Variants in MYO1G observed in about 807,000 individuals in gnomAD.
MYO1G encodes unconventional myosin-Ig.
A neutral mutation model predicts 115.3 loss-of-function variants in MYO1G; 65 were observed. The ratio of observed to expected loss-of-function variants is 0.56; its 90% CI spans 0.46 to 0.69. The LOEUF (loss-of-function observed/expected upper bound fraction) is 0.69. Ranked by LOEUF, MYO1G falls within the 30% of genes least tolerant of loss-of-function variation. MYO1G has a pLI of 0.00. For synonymous variants in MYO1G, 510 were observed against 552.6 expected (o/e 0.92, Z 1.08); for missense variants, 1,204 against 1,393.5 (o/e 0.86, Z 2.16).
At position 44,969,390 on chromosome 7, in the gene MYO1G, T is replaced by C. The variant is rs1287182960; in HGVS notation, c.1574+23A>G. 6.2e-7 allele frequency: 1 copy of C among 1,611,892 alleles called. No individual in the cohort carries two copies. Among genetic ancestry groups the C allele is most frequent in the East Asian group, 2.2e-5 (1 of 44,826 alleles). On this transcript the variant is annotated intron_variant, in intron 12 of 21. Coordinates refer to ENST00000258787, the MANE Select transcript of MYO1G (RefSeq NM_033054.3). This position sits in a 1 kb window ranked among gnomAD's most constrained non-coding sequence, Gnocchi z 5.0. ...ATGGTGCCTGTGGGAAAGCCAGGGA[T>C]GTGGGTGGGAGGGGGCCCTTACGTG...
chr7:44,974,770 A>C (rs1020221237), intron 5 of MYO1G: 4 of 240,758 alleles, frequency 1.7e-5, no homozygotes, highest in African/African-American at 8.7e-5. Flanking sequence ...CGCCTATCTC[A>C]CAGAGGTGCT....
Position 44,965,715 on chromosome 7 carries a change from T to C in MYO1G, c.2303A>G (p.Tyr768Cys), listed in dbSNP as rs1285492084. 4.3e-6 allele frequency: 7 copies of C among 1,612,694 alleles called. No individual in the cohort carries two copies. In the African/African-American group the frequency reaches 9.3e-5, roughly 22 times the overall value. Residue 768 changes from tyrosine to cysteine, a missense_variant, in exon 17 of 22, where the codon TAC (tyrosine) becomes TGC (cysteine). Coordinates refer to ENST00000258787, the MANE Select transcript of MYO1G (RefSeq NM_033054.3). ...CAGCGGCCACACAAGGTCACGCCCG[T>C]AGAGTGGCGGCTGCCTTGCAGCCTG... ...RFQAARQPPL[Y>C]GRDLVWPLPP...
At position 44,969,811 on chromosome 7, in the gene MYO1G, G is replaced by A. The variant is rs1794919526; in HGVS notation, c.1397C>T (p.Ala466Val). 6.2e-7 allele frequency: 1 copy of A among 1,613,246 alleles called. No homozygotes were observed. The highest frequency in any genetic ancestry group is 1.1e-5 in the South Asian group (1 of 91,048). The change falls in exon 11 of 22, where the codon GCC (alanine) becomes GTC (valine). Residue 466 changes from alanine (A) to valine (V), a missense_variant. Transcript: ENST00000258787. The surrounding 1 kb of genome is among the most constrained non-coding windows in gnomAD (Gnocchi z 5.0). ...AGAGCTGCAGGCCTCGTCCAGCACGGCCAGGATGCCACGGTGGGGCCGCTC... is the reference window on the plus strand; with the variant it reads ...AGAGCTGCAGGCCTCGTCCAGCACGACCAGGATGCCACGGTGGGGCCGCTC... ...LVERPHRGIL[A>V]VLDEACSSAG...
intron 1 of MYO1G, 89 bp downstream of exon 1, chr7:44,978,778 G>T (rs143643718): frequency 1.6e-6 from 2 of 1,272,732 alleles, no homozygotes; most frequent in Non-Finnish European, 2.3e-6. Context: ...GGACAGCAGC[G>T]TGCCTTCCTC....
chr7:44,970,951 G>A lies in MYO1G; in HGVS notation c.955C>T (p.Arg319Trp), dbSNP rs1322760502. The A allele has an allele frequency of 2.5e-6, 4 of 1,613,414 alleles. No individual in the cohort carries two copies. Among genetic ancestry groups the A allele is most frequent in the African/African-American group, 1.3e-5 (1 of 75,042 alleles). The change falls in exon 8 of 22, where the codon CGG (arginine) becomes TGG (tryptophan). Residue 319 changes from arginine (R) to tryptophan (W), a missense_variant. Physicochemically the swap from Arg to Trp is moderately radical, Grantham distance 101. Coordinates refer to ENST00000258787, the MANE Select transcript of MYO1G (RefSeq NM_033054.3). ...AGCAGGGAGCGGAGCACGAGGTCCCGGGGTGTGGCCGTCAGCTCAGCCACA... is the reference window on the plus strand; with the variant it reads ...AGCAGGGAGCGGAGCACGAGGTCCCAGGGTGTGGCCGTCAGCTCAGCCACA... The part of the protein sequence containing the change: ...DHVAELTATP[R>W]DLVLRSLLAR...
At position 44,964,227 on chromosome 7, in the gene MYO1G, G is replaced by A. The variant is rs1362598257; in HGVS notation, c.2632-65C>T. On this transcript the variant is annotated intron_variant, in intron 19 of 21. Coordinates refer to ENST00000258787, the MANE Select transcript of MYO1G (RefSeq NM_033054.3). The surrounding 1 kb of genome is among the most constrained non-coding windows in gnomAD (Gnocchi z 5.1). ...GTCACCCACCAGGGCCCCAGGCTTC[G>A]GCAGTCCCTACTGCCTCCCCTCCCC... 1.1e-5 allele frequency: 16 copies of A among 1,445,748 alleles called. No individual in the cohort carries two copies. The highest frequency in any genetic ancestry group is 7.0e-5 in the African/African-American group (5 of 71,068). The allele number at this position is 1,445,748 out of a possible 1,614,324, so 89.6% of individuals were successfully genotyped here. A position where few individuals can be genotyped will look rare whatever the true frequency, so the allele number is the denominator to read the frequency against.
Position 44,978,963 on chromosome 7 carries a change from C to A in MYO1G, c.-2G>T, listed in dbSNP as rs766289135. Reference sequence around the variant, plus strand: ...CTCAGGGCCTTCCTCGTCCTCCATCCTGCCGGCTGGAAACACCTTGCCTCA... The same window carrying A: ...CTCAGGGCCTTCCTCGTCCTCCATCATGCCGGCTGGAAACACCTTGCCTCA... On this transcript the variant is annotated 5_prime_UTR_variant, in exon 1 of 22. The change creates a new upstream start codon in the 5' untranslated region. Coordinates refer to ENST00000258787, the MANE Select transcript of MYO1G (RefSeq NM_033054.3). 12 of 1,614,010 alleles carry A rather than the reference C, an allele frequency of 7.4e-6. No homozygotes were observed. The South Asian group carries it at 1.3e-4, about 18-fold the overall frequency.
rs200523348 is a variant in MYO1G, at chr7:44,971,693, G to T, written c.826C>A (p.Leu276Met). The change falls in exon 7 of 22, where the codon CTG becomes ATG. Residue 276 changes from leucine to methionine, a missense_variant. Coordinates refer to ENST00000258787, the MANE Select transcript of MYO1G (RefSeq NM_033054.3). ...PEEVESVHRILAAILHLGNIE... is the reference protein window; with the variant it reads ...PEEVESVHRIMAAILHLGNIE... ...CTCACCAGGTGCAATATGGCAGCCA[G>T]GATGCGATGCACAGACTCCACCTCT... is the stretch of plus-strand genomic sequence containing the variant. The T allele has an allele frequency of 9.0e-5, 141 of 1,558,378 alleles. No homozygotes were observed. Among genetic ancestry groups the T allele is most frequent in the Non-Finnish European group, 1.2e-4 (138 of 1,150,820 alleles).
At position 44,966,421 on chromosome 7, in the gene MYO1G, T is replaced by G. The variant is rs1294620088; in HGVS notation, c.1950-141A>C. The stretch of plus-strand genomic sequence containing the variant: ...CTTATGACACCTGTGCACATATGTC[T>G]TCCCATACACATGTCCTCACATACA... On this transcript the variant is annotated intron_variant, in intron 15 of 21. Transcript: ENST00000258787. The surrounding 1 kb of genome is among the most constrained non-coding windows in gnomAD (Gnocchi z 5.0). 1 of 853,330 alleles carries G rather than the reference T, an allele frequency of 1.2e-6. No homozygotes were observed. Among genetic ancestry groups the G allele is most frequent in the Non-Finnish European group, 1.9e-6 (1 of 524,410 alleles). 52.9% of individuals were successfully genotyped at this position (853,330 alleles called of 1,614,324 possible). A position where few individuals can be genotyped will look rare whatever the true frequency, so the allele number is the denominator to read the frequency against.
rs1353993162 is a variant in MYO1G at position 44,969,823 on chromosome 7, C to A, written c.1385G>T (p.Arg462Leu). ...CTCGTCCAGCACGGCCAGGATGCCA[C>A]GGTGGGGCCGCTCCACCAGATCCAC... is the stretch of plus-strand genomic sequence containing the variant. ...TIVDLVERPHRGILAVLDEAC... is the reference protein window; with the variant it reads ...TIVDLVERPHLGILAVLDEAC... Residue 462 changes from arginine to leucine, a missense_variant, in exon 11 of 22, where the codon CGT becomes CTT. Physicochemically the swap from Arg to Leu is moderately radical, Grantham distance 102. Coordinates refer to ENST00000258787, the MANE Select transcript of MYO1G (RefSeq NM_033054.3). The surrounding 1 kb of genome is among the most constrained non-coding windows in gnomAD (Gnocchi z 5.0). 1.2e-6 allele frequency: 2 copies of A among 1,613,030 alleles called. No homozygotes were observed. Among genetic ancestry groups the A allele is most frequent in the East Asian group, 4.5e-5 (2 of 44,876 alleles).
chr7:44,977,118 C>T (rs1439177243), intron 1 of MYO1G, 47 bp from the exon 2 acceptor site: 2 of 1,578,594 alleles, frequency 1.3e-6, no homozygotes, highest in Admixed American at 1.7e-5. Flanking sequence ...CTTACAGGCA[C>T]CCACAGGCCT....
chr7:44,970,697 A>G lies in MYO1G; in HGVS notation c.1112T>C (p.Ile371Thr). 6.2e-7 allele frequency: 1 copy of G among 1,613,832 alleles called. No individual in the cohort carries two copies. The highest frequency in any genetic ancestry group is 8.5e-7 in the Non-Finnish European group (1 of 1,180,018). The change falls in exon 9 of 22, where the codon ATC becomes ACC. Residue 371 changes from isoleucine (I) to threonine (T), a missense_variant. Coordinates refer to ENST00000258787, the MANE Select transcript of MYO1G (RefSeq NM_033054.3). ...QRLFEWVVNR[I>T]NSVMEPRGRD... The stretch of plus-strand genomic sequence containing the variant: ...GCCCCGGGGTTCCATGACACTGTTG[A>G]TCCTGTTCACCACCCACTCAAACAG...
chr7:44,971,699 G>C lies in MYO1G; in HGVS notation c.820C>G (p.Arg274Gly). 2 of 1,558,190 alleles carry C rather than the reference G, an allele frequency of 1.3e-6. No individual in the cohort carries two copies. The highest frequency in any genetic ancestry group is 2.4e-5 in the South Asian group (2 of 84,506). ...AGGTGCAATATGGCAGCCAGGATGCGATGCACAGACTCCACCTCTTCAGGA... is the reference window on the plus strand; with the variant it reads ...AGGTGCAATATGGCAGCCAGGATGCCATGCACAGACTCCACCTCTTCAGGA... ...FSPEEVESVHRILAAILHLGN... is the reference protein window; with the variant it reads ...FSPEEVESVHGILAAILHLGN... Residue 274 changes from arginine to glycine, a missense_variant, in exon 7 of 22, where the codon CGC becomes GGC. By Grantham distance (125) the Arg-to-Gly change is moderately radical. Coordinates refer to ENST00000258787, the MANE Select transcript of MYO1G (RefSeq NM_033054.3).
Position 44,968,031 on chromosome 7 carries a change from C to T in MYO1G, c.1575-73G>A, listed in dbSNP as rs1794880054. 22 of 1,253,060 alleles carry T rather than the reference C, an allele frequency of 1.8e-5. No homozygotes were observed. In the Admixed American group the frequency reaches 3.4e-4, roughly 19 times the overall value. 77.6% of individuals were successfully genotyped at this position (1,253,060 alleles called of 1,614,324 possible). On this transcript the variant is annotated intron_variant, in intron 12 of 21. Transcript: ENST00000258787. ...GCCAGAGTGCTAATGACCCCAGCAG[C>T]CCCCACTCTCTTCCCATCTGCCTCT...
Position 44,962,713 on chromosome 7 carries a change from C to T in MYO1G, c.*26G>A, listed in dbSNP as rs201036238. 1,663 of 1,456,978 alleles carry T rather than the reference C, an allele frequency of 1.1e-3. 18 individuals carry two copies. In the African/African-American group the frequency reaches 0.022, roughly 19 times the overall value. The allele number at this position is 1,456,978 out of a possible 1,614,324, so 90.3% of individuals were successfully genotyped here. ...CGCTGGCGGGGCGGACAATTGGCGG[C>T]CTCGGGGTGCGGCGGGTGCGGGCGC... On this transcript the variant is annotated 3_prime_UTR_variant, in exon 22 of 22. Coordinates refer to ENST00000258787, the MANE Select transcript of MYO1G (RefSeq NM_033054.3). This position sits in a 1 kb window ranked among gnomAD's most constrained non-coding sequence, Gnocchi z 5.3.
chr7:44,970,932 G>C lies in MYO1G; in HGVS notation c.974C>G (p.Ser325Cys), dbSNP rs2128702164. ...TATPRDLVLR[S>C]LLARTVASGG... ...CGAGGCAACTGTGCGAGCCAGCAGG[G>C]AGCGGAGCACGAGGTCCCGGGGTGT... Residue 325 changes from serine to cysteine, a missense_variant, in exon 8 of 22, where the codon TCC (serine) becomes TGC (cysteine). By Grantham distance (112) the Ser-to-Cys change is moderately radical. Coordinates refer to ENST00000258787, the MANE Select transcript of MYO1G (RefSeq NM_033054.3). 6 of 1,613,604 alleles carry C rather than the reference G, an allele frequency of 3.7e-6. No individual in the cohort carries two copies. The East Asian group carries it at 1.3e-4, about 36-fold the overall frequency.
chr7:44,965,794 A>G lies in MYO1G; in HGVS notation c.2224T>C (p.Trp742Arg), dbSNP rs200693120. 10 of 1,604,824 alleles carry G rather than the reference A, an allele frequency of 6.2e-6. No individual in the cohort carries two copies. The African/African-American group carries it at 8.0e-5, about 13-fold the overall frequency. The stretch of plus-strand genomic sequence containing the variant: ...GCCCGCACCTTGTGTCTCCGGAACC[A>G]GCGCATGATGGTGTAGATAGCCCTC... ...RLRAIYTIMR[W>R]FRRHKVRAHL... Residue 742 changes from tryptophan (W) to arginine (R), a missense_variant, in exon 17 of 22, where the codon TGG becomes CGG. Trp to Arg is a moderately radical substitution (Grantham distance 101, BLOSUM62 -3). Transcript: ENST00000258787.
Position 44,969,570 on chromosome 7 carries a change from G to A in MYO1G, c.1504-87C>T, listed in dbSNP as rs1418279358. ...GCCCTGCCTCCCCACCTCCAGGGCAGAGAAGGTTGCCACAGTGACGACAAT... is the reference window on the plus strand; with the variant it reads ...GCCCTGCCTCCCCACCTCCAGGGCAAAGAAGGTTGCCACAGTGACGACAAT... On this transcript the variant is annotated intron_variant, in intron 11 of 21. Transcript: ENST00000258787. The surrounding 1 kb of genome is among the most constrained non-coding windows in gnomAD (Gnocchi z 5.0). The A allele has an allele frequency of 5.7e-6, 9 of 1,580,268 alleles. No individual in the cohort carries two copies. Among genetic ancestry groups the A allele is most frequent in the South Asian group, 1.1e-5 (1 of 90,328 alleles).
At chr7:44,973,683 C>A (rs546099006) in intron 5 of MYO1G, 1 of 150,944 alleles carries the variant, frequency 6.6e-6, no homozygotes, top group East Asian at 2.0e-4. Context: ...TCTGTGGAGA[C>A]CCTGGCAACG....
Sources: allele counts gnomAD v4.1 joint callset, GRCh38; gene constraint gnomAD v4.1.1; non-coding constraint Gnocchi (gnomAD v3.1); transcripts MANE v1.5; gene names NCBI Gene and HGNC (gene_info 2026-07-23, HGNC 2026-07-21).